Variants in RAF1 observed in about 807,000 individuals in gnomAD.
RAF1 encodes the protein RAF proto-oncogene serine/threonine-protein kinase.
A neutral mutation model predicts 81.1 loss-of-function variants in RAF1; 27 were observed. That is an observed-to-expected ratio of 0.33 (90% CI 0.25 to 0.46). The LOEUF (loss-of-function observed/expected upper bound fraction) is 0.46. Ranked by LOEUF, RAF1 falls within the 20% of genes least tolerant of loss-of-function variation. The pLI, the probability that RAF1 is intolerant of heterozygous loss-of-function variation, is 1.00. For synonymous variants in RAF1, 298 were observed against 294.0 expected (o/e 1.01, Z -0.14); for missense variants, 598 against 826.0 (o/e 0.72, Z 3.38).
intron 1 of RAF1, among the ~76,000 whole-genome samples, chr3:12,654,301 A>G (rs556611445): frequency 4.0e-4 from 61 of 151,846 alleles, no homozygotes; most frequent in Non-Finnish European, 7.7e-4. Context: ...AATACATTAT[A>G]GAATAAAAAA....
chr3:12,635,637 C>CAAAA (rs34576938), intron 1 of RAF1, among the ~76,000 whole-genome samples: 58 of 73,272 alleles, frequency 7.9e-4, no homozygotes, highest in African/African-American at 1.6e-3. Context: ...ACTCCAGCTC[C>CAAAA]AAAAAAAAAA....
At position 12,663,925 on chromosome 3, in the gene RAF1, A is replaced by C. The variant is rs886057918; in HGVS notation, c.-139T>G. The C allele has an allele frequency of 7.5e-6, 3 of 398,120 alleles. No homozygotes were observed. In the East Asian group the frequency reaches 1.1e-4, roughly 14 times the overall value. The allele number at this position is 398,120 out of a possible 1,614,324, so 24.7% of individuals were successfully genotyped here. On this transcript the variant is annotated 5_prime_UTR_variant, in exon 1 of 18. Transcript: ENST00000442415. ...AGGCGGTCACATTCGGCGCGTCCCCAGCCCAGGGGACGGAGCCCCGAGCAG... is the reference window on the plus strand; with the variant it reads ...AGGCGGTCACATTCGGCGCGTCCCCCGCCCAGGGGACGGAGCCCCGAGCAG...
intron 1 of RAF1, among the ~76,000 whole-genome samples, chr3:12,653,349 T>C (rs375174349): frequency 2.6e-5 from 4 of 152,286 alleles, no homozygotes; most frequent in African/African-American, 4.8e-5. Flanking sequence ...CTTCTTTCTA[T>C]TGCAGTGAAC....
intron 1 of RAF1, among the ~76,000 whole-genome samples, chr3:12,653,992 C>CTTT (rs57322131): frequency 7.1e-6 from 1 of 141,676 alleles, no homozygotes; most frequent in South Asian, 2.3e-4. Flanking sequence ...TTTTCTTTTT[C>CTTT]TTTTTTTTTT....
intron 11 of RAF1, among the ~76,000 whole-genome samples, chr3:12,596,899 G>C (rs2058703156): frequency 6.8e-6 from 1 of 146,426 alleles, no homozygotes. Flanking sequence ...AAAAAACCTA[G>C]AATCTTTTTT....
At chr3:12,588,352 T>C (rs1164976198) in intron 13 of RAF1, 1 of 152,212 alleles carries the variant, frequency 6.6e-6, no homozygotes, top group Non-Finnish European at 1.5e-5. Flanking sequence ...ACGGCAGGGA[T>C]ACCTTCTGAG....
Position 12,663,954 on chromosome 3 carries a change from C to A in RAF1, c.-168G>T, listed in dbSNP as rs1559503041. On this transcript the variant is annotated 5_prime_UTR_variant, in exon 1 of 18. Transcript: ENST00000442415. ...CAGGGGACGGAGCCCCGAGCAGCCC[C>A]CGCATCGTAGCAAACGCGCTCCGCG... 2.8e-5 allele frequency: 11 copies of A among 398,340 alleles called. No individual in the cohort carries two copies. The allele number at this position is 398,340 out of a possible 1,614,324, so 24.7% of individuals were successfully genotyped here. A position where few individuals can be genotyped will look rare whatever the true frequency, so the allele number is the denominator to read the frequency against.
At chr3:12,605,248 T>TTG (rs745742208) in intron 6 of RAF1, among the ~76,000 whole-genome samples, 1 of 111,654 alleles carries the variant, frequency 9.0e-6, no homozygotes, top group Non-Finnish European at 2.1e-5. Context: ...TGATTACACA[T>TTG]TATGTGTGTG....
chr3:12,605,772 A>G (rs2059009141), intron 6 of RAF1, among the ~76,000 whole-genome samples: 1 of 152,248 alleles, frequency 6.6e-6, no homozygotes, highest in African/African-American at 2.4e-5. Flanking sequence ...GTTTTTAAAG[A>G]CACTAGTCTA....
At chr3:12,605,629 G>C (rs1471087625) in intron 6 of RAF1, among the ~76,000 whole-genome samples, 1 of 152,138 alleles carries the variant, frequency 6.6e-6, no homozygotes, top group Non-Finnish European at 1.5e-5. Flanking sequence ...AAATTCATGT[G>C]TGTTAACACT....
chr3:12,607,376 G>A (rs760696913), intron 5 of RAF1, among the ~76,000 whole-genome samples: 4 of 152,100 alleles, frequency 2.6e-5, no homozygotes, highest in Non-Finnish European at 4.4e-5. Flanking sequence ...CGCCGGATGC[G>A]GTGGCTCACA....
rs2059031907 is a variant in RAF1, at chr3:12,606,429, T to G, written c.582-130A>C. ...TTCCCAGTCACATTTTCCTCAACTG[T>G]TTTACATTACCTAGAATAAAGGGAA... On this transcript the variant is annotated intron_variant, in intron 5 of 17. Coordinates refer to ENST00000442415, the MANE Select transcript of RAF1 (RefSeq NM_001354689.3). 12 of 709,416 alleles carry G rather than the reference T, an allele frequency of 1.7e-5. 1 individual carries two copies. Among genetic ancestry groups the G allele is most frequent in the Non-Finnish European group, 3.1e-5 (12 of 384,824 alleles). 43.9% of individuals were successfully genotyped at this position (709,416 alleles called of 1,614,324 possible). A position where few individuals can be genotyped will look rare whatever the true frequency, so the allele number is the denominator to read the frequency against.
chr3:12,655,178 G>C (rs150631514), intron 1 of RAF1, among the ~76,000 whole-genome samples: 58 of 152,318 alleles, frequency 3.8e-4, no homozygotes, highest in African/African-American at 1.3e-3. Context: ...TGCCTCCCGA[G>C]TTCAAGCGAT....
In RAF1 at chr3:12,650,793, C is replaced by T. The variant is rs5746157; in HGVS notation, c.-27+13020G>A. Among the ~76,000 whole-genome samples, 798 of 152,212 alleles carry T rather than the reference C, an allele frequency of 5.2e-3. 9 individuals are homozygous for T. The highest frequency in any genetic ancestry group is 0.018 in the African/African-American group (751 of 41,522). ...AGAGCTTTCAGGAAGACAAGTAGGC[C>T]TACAACAAAATATGAAATTAAAGGT... is the stretch of plus-strand genomic sequence containing the variant. On this transcript the variant is annotated intron_variant, in intron 1 of 17. Transcript: ENST00000442415.
chr3:12,662,331 G>T (rs1313705355), intron 1 of RAF1, among the ~76,000 whole-genome samples: 3 of 113,300 alleles, frequency 2.6e-5, no homozygotes, highest in Non-Finnish European at 5.2e-5. Flanking sequence ...GTGAGATCCT[G>T]TTCCTTTAAA....
chr3:12,656,157 A>G (rs879360070), intron 1 of RAF1, among the ~76,000 whole-genome samples: 11 of 148,182 alleles, frequency 7.4e-5, no homozygotes, highest in Non-Finnish European at 1.5e-4. Context: ...AGCCAGGGAA[A>G]TCACAATCTC....
chr3:12,602,321 A>AT, intron 8 of RAF1, among the ~76,000 whole-genome samples: 1 of 152,330 alleles, frequency 6.6e-6, no homozygotes, highest in South Asian at 2.1e-4. Context: ...AGGAATCAAA[A>AT]TTTACCCTGC....
At chr3:12,655,000 A>ACCCCCC (rs35380724) in intron 1 of RAF1, among the ~76,000 whole-genome samples, 1 of 128,170 alleles carries the variant, frequency 7.8e-6, no homozygotes, top group African/African-American at 2.8e-5. Flanking sequence ...ACATAGTGAG[A>ACCCCCC]CCCCCCCCCC....
rs1559461170 is a variant in RAF1, at chr3:12,628,579, TA to T, written c.-26-9833del. 2.0e-5 allele frequency among the ~76,000 whole-genome samples: 3 copies of T among 152,140 alleles called. No homozygotes were observed. The South Asian group carries it at 6.2e-4, about 32-fold the overall frequency. ...GTTTTCATGTATTTCATTATCGTGTTAATAAGAAAAAAATCTCAGTATATTA... is the reference window on the plus strand; with the variant it reads ...GTTTTCATGTATTTCATTATCGTGTTATAAGAAAAAAATCTCAGTATATTA... On this transcript the variant is annotated intron_variant, in intron 1 of 17. Coordinates refer to ENST00000442415, the MANE Select transcript of RAF1 (RefSeq NM_001354689.3).
Sources: allele counts gnomAD v4.1 joint callset (sites outside exome capture counted in the v4.1 genomes callset), GRCh38; gene constraint gnomAD v4.1.1; transcripts MANE v1.5; gene names NCBI Gene and HGNC (gene_info 2026-07-23, HGNC 2026-07-21).